The following CELF2 variants were observed in gnomAD, a reference collection of about 807,000 sequenced individuals.
The protein encoded by CELF2 is CUG triplet repeat RNA-binding protein 2.
Under a neutral mutation model 62.6 loss-of-function variants are expected in CELF2, and 8 were observed. The ratio of observed to expected loss-of-function variants is 0.13; its 90% CI spans 0.07 to 0.23. The LOEUF is 0.23. CELF2 is among the 10% of genes least tolerant of loss of function. CELF2 has a pLI of 1.00. For missense variants in CELF2, 333 were observed against 671.0 expected (o/e 0.50, Z 5.56); for synonymous variants, 258 against 250.0 (o/e 1.03, Z -0.30).
At chr10:10,803,414 A>G (rs535356392) in intron 1 of CELF2, among the ~76,000 whole-genome samples, 53 of 152,314 alleles carry the variant, frequency 3.5e-4, no homozygotes, top group Non-Finnish European at 6.8e-4. Flanking sequence ...TCAGTTATGC[A>G]GCCAGGCTAT....
the CELF2 span, among the ~76,000 whole-genome samples, chr10:10,748,407 A>C: frequency 1.4e-4 from 21 of 152,322 alleles, no homozygotes; most frequent in Non-Finnish European, 1.9e-4. Flanking sequence ...AGTGCAAATT[A>C]TGTTGCTTTC....
rs1179715276 is a variant in CELF2, at chr10:11,328,477, T to G, written c.1439-449T>G. 6.6e-6 allele frequency among the ~76,000 whole-genome samples: 1 copy of G among 152,218 alleles called. No individual in the cohort carries two copies. The highest frequency in any genetic ancestry group is 2.4e-5 in the African/African-American group (1 of 41,452). Reference sequence around the variant, plus strand: ...CAGCCCTTCCCTTCCCGAGCCTGCCTGTTGGCCTCACCTGGCTGGGACACG... The same window carrying G: ...CAGCCCTTCCCTTCCCGAGCCTGCCGGTTGGCCTCACCTGGCTGGGACACG... On this transcript the variant is annotated intron_variant, in intron 12 of 12. Coordinates refer to ENST00000633077, the MANE Select transcript of CELF2 (RefSeq NM_001326342.2). The surrounding 1 kb of genome is among the most constrained non-coding windows in gnomAD (Gnocchi z 6.4).
At chr10:10,796,880 G>A, upstream of CELF2, 7 of 985,252 alleles carry the variant, frequency 7.1e-6, no homozygotes, top group Non-Finnish European at 7.2e-6. Flanking sequence ...TGAAGTCCCA[G>A]AAAGGCAATG....
intron 9 of CELF2, among the ~76,000 whole-genome samples, chr10:11,307,265 C>G (rs1263568311): frequency 6.6e-6 from 1 of 152,234 alleles, no homozygotes; most frequent in Non-Finnish European, 1.5e-5. Context: ...GGGGGCGCAG[C>G]AGGCAGCATC....
Position 11,099,103 on chromosome 10 carries a change from A to G in CELF2, c.75-66383A>G, listed in dbSNP as rs2142373658. Among the ~76,000 whole-genome samples, 3 of 152,358 alleles carry G rather than the reference A, an allele frequency of 2.0e-5. No individual in the cohort carries two copies. In the Middle Eastern group the frequency reaches 0.01, roughly 518 times the overall value. The stretch of plus-strand genomic sequence containing the variant: ...CAGCGTCCCATCTTTCAGGACCAGC[A>G]AAATACGTGAATCAGTTGGAAGGAA... On this transcript the variant is annotated intron_variant, in intron 1 of 12. Transcript: ENST00000633077.
At chr10:11,134,954 GTC>G (rs1491206368) in intron 1 of CELF2, among the ~76,000 whole-genome samples, 2 of 152,230 alleles carry the variant, frequency 1.3e-5, no homozygotes, top group African/African-American at 4.8e-5. Context: ...ACCTTGCAGT[GTC>G]TAGCATCAAT....
chr10:10,639,512 C>T, the CELF2 span, among the ~76,000 whole-genome samples: 5,399 of 152,164 alleles, frequency 0.035, 155 homozygotes, highest in Admixed American at 0.088. Flanking sequence ...ATATTAAATT[C>T]GCTTGTTTTA....
the CELF2 span, among the ~76,000 whole-genome samples, chr10:10,466,578 G>C: frequency 6.6e-6 from 1 of 152,064 alleles, no homozygotes; most frequent in Non-Finnish European, 1.5e-5. Context: ...AATTGAAAAG[G>C]CTGGATCATA....
At chr10:10,493,724 G>T in the CELF2 span, among the ~76,000 whole-genome samples, 1 of 152,048 alleles carries the variant, frequency 6.6e-6, no homozygotes, top group African/African-American at 2.4e-5. Flanking sequence ...TAGAGAGAGG[G>T]TTTCACCACG....
At chr10:11,182,251 G>A (rs893413179) in intron 2 of CELF2, among the ~76,000 whole-genome samples, 1 of 152,188 alleles carries the variant, frequency 6.6e-6, no homozygotes. Flanking sequence ...TGATGTAACC[G>A]GGGAGCGGGG....
chr10:10,525,517 G>A, the CELF2 span, among the ~76,000 whole-genome samples: 2 of 152,016 alleles, frequency 1.3e-5, no homozygotes, highest in Non-Finnish European at 2.9e-5. Flanking sequence ...TTCTGACCCC[G>A]TGTAACCACC....
chr10:10,651,056 T>C, the CELF2 span, among the ~76,000 whole-genome samples: 2 of 151,736 alleles, frequency 1.3e-5, no homozygotes, highest in African/African-American at 4.8e-5. Flanking sequence ...TTGCCTCACT[T>C]GGGAAGCGCA....
chr10:11,134,864 G>A (rs896406692), intron 1 of CELF2, among the ~76,000 whole-genome samples: 3 of 152,218 alleles, frequency 2.0e-5, no homozygotes, highest in East Asian at 3.9e-4. Context: ...GGAGGGGCAC[G>A]TGTCTATCTT....
the CELF2 span, among the ~76,000 whole-genome samples, chr10:10,660,602 C>G: frequency 1.3e-5 from 2 of 152,270 alleles, no homozygotes; most frequent in South Asian, 4.1e-4. Context: ...ACAATCAATT[C>G]CTTCACCTCA....
intron 1 of CELF2, among the ~76,000 whole-genome samples, chr10:10,905,712 C>T (rs1401924284): frequency 3.3e-5 from 5 of 151,944 alleles, no homozygotes; most frequent in Admixed American, 1.3e-4. Flanking sequence ...CCTGTCTCTA[C>T]TAAAAATACA....
chr10:11,188,966 C>T (rs548299089), intron 2 of CELF2, among the ~76,000 whole-genome samples: 2 of 152,272 alleles, frequency 1.3e-5, no homozygotes, highest in South Asian at 2.1e-4. Flanking sequence ...AAGTCCGTTT[C>T]GGATCTTTCT....
chr10:10,957,697 G>T lies in CELF2; in HGVS notation c.89+37698G>T, dbSNP rs943616960. Among the ~76,000 whole-genome samples the T allele has an allele frequency of 6.6e-6, 1 of 152,250 alleles. No individual in the cohort carries two copies. The highest frequency in any genetic ancestry group is 2.4e-5 in the African/African-American group (1 of 41,552). ...TGGCCAAATTCTCCAGCTTCTCCTT[G>T]CTCACATGTCTTCAAAAGAGTTGGT... is the stretch of plus-strand genomic sequence containing the variant. On this transcript the variant is annotated intron_variant, in intron 2 of 13. Transcript: ENST00000636488. The surrounding 1 kb of genome is among the most constrained non-coding windows in gnomAD (Gnocchi z 4.1).
the CELF2 span, among the ~76,000 whole-genome samples, chr10:10,561,413 C>G: frequency 2.6e-5 from 4 of 152,178 alleles, no homozygotes; most frequent in East Asian, 5.8e-4. Flanking sequence ...CTTCATTCAA[C>G]AAATACATGT....
chr10:10,565,715 T>A, the CELF2 span, among the ~76,000 whole-genome samples: 2 of 152,234 alleles, frequency 1.3e-5, no homozygotes, highest in African/African-American at 4.8e-5. Flanking sequence ...AGACTTCCTT[T>A]TAATAAGCAC....
Sources: allele counts gnomAD v4.1 joint callset (sites outside exome capture counted in the v4.1 genomes callset), GRCh38; gene constraint gnomAD v4.1.1; non-coding constraint Gnocchi (gnomAD v3.1); transcripts MANE v1.5; gene names NCBI Gene and HGNC (gene_info 2026-07-23, HGNC 2026-07-21).